DENND2B: variants seen among roughly 807,000 people sequenced by gnomAD.
DENND2B encodes DENN domain containing 2B.
In DENND2B, 32 loss-of-function variants were observed where a neutral mutation model predicts 116.0. The ratio of observed to expected loss-of-function variants is 0.28; its 90% CI spans 0.21 to 0.37. The LOEUF (loss-of-function observed/expected upper bound fraction) is 0.37. Among genes scored for constraint, DENND2B ranks in the 10% least tolerant of loss-of-function variants. DENND2B has a pLI of 1.00. For synonymous variants in DENND2B, 588 were observed against 583.9 expected, an observed-to-expected ratio of 1.01 and a Z score of -0.10; for missense variants, 1,276 against 1,477.7, an observed-to-expected ratio of 0.86 and a Z score of 2.24.
At chr11:8,740,548 G>C (rs1342121985) in intron 2 of DENND2B, among the ~76,000 whole-genome samples, 1 of 152,154 alleles carries the variant, frequency 6.6e-6, no homozygotes, top group Non-Finnish European at 1.5e-5. Context: ...AACAAGAAGG[G>C]ACTAAGCTGG....
Position 8,715,643 on chromosome 11 carries a change from C to T in DENND2B, c.1805G>A (p.Ser602Asn). 1 of 1,613,846 alleles carries T rather than the reference C, an allele frequency of 6.2e-7. No individual in the cohort carries two copies. Among genetic ancestry groups the T allele is most frequent in the Non-Finnish European group, 8.5e-7 (1 of 1,179,846 alleles). The change falls in exon 6 of 20, where the codon AGC becomes AAC. Residue 602 changes from serine to asparagine, a missense_variant. Coordinates refer to ENST00000313726, the MANE Select transcript of DENND2B (RefSeq NM_213618.2). ...SLNEDSLSTT[S>N]ELLSSRRARR... ...GGCCCGGCGGCTGGACAGCAGCTCG[C>T]TGGTGGTGCTGAGGCTGTCTTCATT...
intron 3 of DENND2B, among the ~76,000 whole-genome samples, chr11:8,840,152 A>AAGCC (rs2062575960): frequency 6.6e-6 from 1 of 152,008 alleles, no homozygotes; most frequent in Non-Finnish European, 1.5e-5. Context: ...CAGGCCAGGG[A>AAGCC]AGCCAGCATG....
At chr11:8,711,943 C>CT (rs1308925351) in intron 9 of DENND2B, 1 of 455,824 alleles carries the variant, frequency 2.2e-6, no homozygotes, top group Non-Finnish European at 4.4e-6. Flanking sequence ...ATGCAGGTGT[C>CT]TGGACAGACC....
chr11:8,697,281 G>A (rs983318228), intron 17 of DENND2B, among the ~76,000 whole-genome samples: 1 of 152,268 alleles, frequency 6.6e-6, no homozygotes, highest in Admixed American at 6.5e-5. Context: ...ATGGCTTGAG[G>A]CAAGGCCTCA....
intron 4 of DENND2B, among the ~76,000 whole-genome samples, chr11:8,828,735 G>A (rs532963374): frequency 1.2e-4 from 19 of 152,264 alleles, no homozygotes; most frequent in African/African-American, 3.9e-4. Context: ...ACCATTTCAG[G>A]GAACACTGAC....
intron 5 of DENND2B, among the ~76,000 whole-genome samples, chr11:8,717,490 C>A (rs563442724): frequency 2.5e-4 from 38 of 152,306 alleles, no homozygotes; most frequent in African/African-American, 9.1e-4. Flanking sequence ...ACAGGATGCC[C>A]CTCAGAGCAG....
At position 8,717,905 on chromosome 11, in the gene DENND2B, A is replaced by G; in HGVS notation, c.1478-13T>C. On this transcript the variant is annotated splice_polypyrimidine_tract_variant and intron_variant, in intron 4 of 19. Transcript: ENST00000313726. ...TTGGGCAGATCTCCTGCAGAGGAGG[A>G]AGAGTTAGAGAAGGGGGAGAAGGGA... 2.5e-6 allele frequency: 4 copies of G among 1,604,658 alleles called. No individual in the cohort carries two copies. The highest frequency in any genetic ancestry group is 3.4e-6 in the Non-Finnish European group (4 of 1,174,056).
upstream of DENND2B, among the ~76,000 whole-genome samples, chr11:8,813,149 T>C (rs1266655176): frequency 6.6e-6 from 1 of 152,178 alleles, no homozygotes; most frequent in East Asian, 1.9e-4. Context: ...ATTTCCAGCA[T>C]ATCACAACAT....
intron 11 of DENND2B, chr11:8,708,287 C>G: frequency 1.0e-6 from 1 of 985,478 alleles, no homozygotes; most frequent in Non-Finnish European, 1.2e-6. Context: ...ATTCGGCATA[C>G]CATTCCTTTT....
At position 8,727,446 on chromosome 11, in the gene DENND2B, A is replaced by G. The variant is rs555316052; in HGVS notation, c.1341-1237T>C. On this transcript the variant is annotated intron_variant, in intron 3 of 19. Transcript: ENST00000313726. ...GTGACACATTCCCTCCTGGCTTTCA[A>G]CTAACTCTCTGGCCACTACTTTTCA... 6.6e-5 allele frequency among the ~76,000 whole-genome samples: 10 copies of G among 152,234 alleles called. No homozygotes were observed. The East Asian group carries it at 1.4e-3, about 21-fold the overall frequency.
At chr11:8,804,752 CCAGGCTGGT>C in intron 1 of DENND2B, among the ~76,000 whole-genome samples, 1 of 152,032 alleles carries the variant, frequency 6.6e-6, no homozygotes, top group Admixed American at 6.6e-5. Context: ...ACCATATTGG[CCAGGCTGGT>C]CTCAAACACC....
chr11:8,820,541 G>A lies in DENND2B; in HGVS notation c.-114-9206C>T, dbSNP rs192575244. On this transcript the variant is annotated intron_variant, in intron 4 of 6. Coordinates refer to the DENND2B transcript ENST00000524757. ...TCCTAGATTAGTATTTTTTTAAACC[G>A]CAACCCAATAAAGAATGTTTTACAT... Among the ~76,000 whole-genome samples, 229 of 152,002 alleles carry A rather than the reference G, an allele frequency of 1.5e-3. 2 individuals are homozygous for A. The highest frequency in any genetic ancestry group is 5.3e-3 in the African/African-American group (221 of 41,442).
intron 1 of DENND2B, among the ~76,000 whole-genome samples, chr11:8,779,926 A>C (rs912138970): frequency 6.6e-6 from 1 of 152,206 alleles, no homozygotes; most frequent in Non-Finnish European, 1.5e-5. Flanking sequence ...CTGGTACTCA[A>C]GGCTCCTGCT....
At chr11:8,903,223 G>A (rs915002840) in intron 1 of DENND2B, among the ~76,000 whole-genome samples, 33 of 151,740 alleles carry the variant, frequency 2.2e-4, no homozygotes, top group African/African-American at 7.3e-4. Context: ...TCCAGCATAG[G>A]CCAACATGGT....
At chr11:8,769,051 C>T (rs1030773519) in intron 1 of DENND2B, among the ~76,000 whole-genome samples, 2 of 152,100 alleles carry the variant, frequency 1.3e-5, no homozygotes, top group Admixed American at 6.6e-5. Context: ...AAGGGCCACA[C>T]TGCCCCTCCT....
chr11:8,894,459 G>T (rs1194102415), intron 1 of DENND2B, among the ~76,000 whole-genome samples: 1 of 151,858 alleles, frequency 6.6e-6, no homozygotes, highest in Non-Finnish European at 1.5e-5. Flanking sequence ...GAGTGAACAG[G>T]CAACCTACAA....
chr11:8,812,035 G>A (rs1488304980), upstream of DENND2B, among the ~76,000 whole-genome samples: 2 of 152,168 alleles, frequency 1.3e-5, no homozygotes, highest in Admixed American at 1.3e-4. Flanking sequence ...CAGCATACTG[G>A]CCTTATGACC....
intron 1 of DENND2B, among the ~76,000 whole-genome samples, chr11:8,762,306 G>C (rs1642723458): frequency 6.6e-6 from 1 of 152,072 alleles, no homozygotes; most frequent in South Asian, 2.1e-4. Flanking sequence ...AAACACACCA[G>C]GTGTGTTCCT....
At position 8,890,140 on chromosome 11, in the gene DENND2B, G is replaced by A. The variant is rs542341240; in HGVS notation, c.-255-9031C>T. Among the ~76,000 whole-genome samples, 8 of 152,334 alleles carry A rather than the reference G, an allele frequency of 5.3e-5. No homozygotes were observed. The East Asian group carries it at 1.3e-3, about 26-fold the overall frequency. ...GATACCCAGGCAAACAGGGTCTGGA[G>A]TGGACCTCCAGCAAACTCCAACAGA... On this transcript the variant is annotated intron_variant, in intron 1 of 22. Transcript: ENST00000534127.
Sources: allele counts gnomAD v4.1 joint callset (sites outside exome capture counted in the v4.1 genomes callset), GRCh38; gene constraint gnomAD v4.1.1; transcripts MANE v1.5; gene names NCBI Gene and HGNC (gene_info 2026-07-23, HGNC 2026-07-21).